The following TAF1A variants were observed in gnomAD, a reference collection of about 807,000 sequenced individuals.
TAF1A encodes TATA-box binding protein associated factor, RNA polymerase I subunit A.
TAF1A carries 42 observed loss-of-function variants against 61.6 expected under a neutral mutation model. The observed-to-expected ratio is 0.68, with a 90% confidence interval of 0.53 to 0.88. TAF1A has a LOEUF of 0.88. Among genes scored for constraint, TAF1A ranks in the 40% least tolerant of loss-of-function variants. The probability of loss-of-function intolerance (pLI) is 0.00; values close to 1 mark genes in which losing one functional copy is unlikely to be tolerated. For missense variants in TAF1A, 424 were observed against 518.7 expected, an observed-to-expected ratio of 0.82 and a Z score of 1.77; for synonymous variants, 179 against 177.7, an observed-to-expected ratio of 1.01 and a Z score of -0.06.
intron 2 of TAF1A, among the ~76,000 whole-genome samples, chr1:222,586,908 A>C (rs1023965602): frequency 1.5e-4 from 23 of 152,252 alleles, no homozygotes; most frequent in African/African-American, 5.3e-4. Context: ...TTGCAGACCA[A>C]AAGTATTTTC....
At chr1:222,560,628 A>ATATT (rs1402057485) in intron 10 of TAF1A, among the ~76,000 whole-genome samples, 31 of 152,328 alleles carry the variant, frequency 2.0e-4, no homozygotes, top group Middle Eastern at 6.8e-3. Context: ...ACATTGTATT[A>ATATT]CATTCACTGA....
At chr1:222,567,293 G>T (rs780248260) in intron 7 of TAF1A, among the ~76,000 whole-genome samples, 22 of 149,976 alleles carry the variant, frequency 1.5e-4, no homozygotes, top group Non-Finnish European at 7.4e-5. Flanking sequence ...CAGGGGCTGG[G>T]AGGAGCAGGC....
chr1:222,578,211 A>G (rs1432144468), intron 4 of TAF1A, among the ~76,000 whole-genome samples: 1 of 152,214 alleles, frequency 6.6e-6, no homozygotes. Context: ...AGGAAGAAAA[A>G]TTATACAAAG....
rs1438940751 is a variant in TAF1A at position 222,589,900 on chromosome 1, G to A, written c.-176C>T. 1 of 396,942 alleles carries A rather than the reference G, an allele frequency of 2.5e-6. No homozygotes were observed. The highest frequency in any genetic ancestry group is 3.6e-5 in the East Asian group (1 of 28,050). The allele number at this position is 396,942 out of a possible 1,614,324, so 24.6% of individuals were successfully genotyped here. On this transcript the variant is annotated 5_prime_UTR_variant, in exon 1 of 11. Transcript: ENST00000352967. ...GCTCGTAACTCCTCCTGCTGCAGCA[G>A]GCGTATCGTTGGCCTCGCCTCGACC...
chr1:222,581,242 T>C (rs888801122), intron 3 of TAF1A, among the ~76,000 whole-genome samples: 3 of 152,252 alleles, frequency 2.0e-5, no homozygotes, highest in African/African-American at 7.2e-5. Flanking sequence ...AATTCCTTCA[T>C]TTTACAAAAC....
chr1:222,561,169 A>C (rs531445153), intron 10 of TAF1A, among the ~76,000 whole-genome samples, 195 bp downstream of exon 10: 2 of 152,290 alleles, frequency 1.3e-5, no homozygotes, highest in East Asian at 1.9e-4. Flanking sequence ...AACCGTTCAC[A>C]ATCAATATGA....
At chr1:222,569,301 T>C (rs1281493603) in intron 7 of TAF1A, 1 of 1,484,792 alleles carries the variant, frequency 6.7e-7, no homozygotes. Flanking sequence ...TCTGATCCTC[T>C]CTCCTCAGTC....
chr1:222,584,215 G>T lies in TAF1A; in HGVS notation c.204C>A (p.His68Gln), dbSNP rs1398302993. 1.2e-6 allele frequency: 2 copies of T among 1,612,694 alleles called. No homozygotes were observed. The highest frequency in any genetic ancestry group is 1.7e-6 in the Non-Finnish European group (2 of 1,179,574). The change falls in exon 3 of 11, where the codon CAC (histidine) becomes CAA (glutamine). Residue 68 changes from histidine (H) to glutamine (Q), a missense_variant. Coordinates refer to ENST00000352967, the MANE Select transcript of TAF1A (RefSeq NM_005681.4). The stretch of plus-strand genomic sequence containing the variant: ...TGTATTCTGCAGCTTGCTGCCATTG[G>T]TGCTTCAGCAGAGCTTCTTGGATAA... ...LSFIQEALLK[H>Q]QWQQAAEYMY...
intron 7 of TAF1A, 46 bp downstream of exon 7, chr1:222,569,446 GGCCTAAGAATGTTTTAAT>G (rs761692829): frequency 4.3e-5 from 69 of 1,612,542 alleles, no homozygotes; most frequent in Non-Finnish European, 5.6e-5. Flanking sequence ...AGAAAGCAAT[GGCCTAAGAATGTTTTAAT>G]GTAGATTCCC....
At chr1:222,564,627 T>C (rs544059042) in intron 7 of TAF1A, among the ~76,000 whole-genome samples, 1 of 152,220 alleles carries the variant, frequency 6.6e-6, no homozygotes, top group South Asian at 2.1e-4. Context: ...TATGAGTAAA[T>C]ATTTTAACAA....
chr1:222,584,683 C>T (rs1660941986), intron 2 of TAF1A, among the ~76,000 whole-genome samples: 1 of 152,164 alleles, frequency 6.6e-6, no homozygotes, highest in African/African-American at 2.4e-5. Flanking sequence ...TTATTACCTA[C>T]CCATGTTCTG....
chr1:222,580,063 C>T (rs1490487898), intron 3 of TAF1A, among the ~76,000 whole-genome samples, 191 bp from the exon 4 acceptor site: 1 of 152,090 alleles, frequency 6.6e-6, no homozygotes, highest in Non-Finnish European at 1.5e-5. Context: ...ATAGTTTTAA[C>T]CTTTCAAATT....
intron 2 of TAF1A, among the ~76,000 whole-genome samples, chr1:222,584,645 TC>T (rs953704795): frequency 4.6e-5 from 7 of 152,152 alleles, no homozygotes; most frequent in African/African-American, 1.7e-4. Flanking sequence ...GGGTAAAATG[TC>T]AGGGTCATTC....
chr1:222,559,845 G>A (rs1352598429), intron 10 of TAF1A, among the ~76,000 whole-genome samples: 2 of 151,856 alleles, frequency 1.3e-5, no homozygotes, highest in African/African-American at 4.8e-5. Flanking sequence ...GGGAAGCAGT[G>A]GTGTCTGTAG....
chr1:222,573,575 A>G (rs1383055107), intron 5 of TAF1A, among the ~76,000 whole-genome samples: 1 of 152,192 alleles, frequency 6.6e-6, no homozygotes, highest in Non-Finnish European at 1.5e-5. Context: ...CACCAGGATG[A>G]CTATAATAGA....
intron 5 of TAF1A, among the ~76,000 whole-genome samples, chr1:222,575,788 T>C (rs1660547423): frequency 6.6e-6 from 1 of 152,226 alleles, no homozygotes; most frequent in Non-Finnish European, 1.5e-5. Context: ...CATCATCATC[T>C]ATTGTTGCTA....
In TAF1A at chr1:222,565,408, C is replaced by T. The variant is rs80334582; in HGVS notation, c.895-1283G>A. On this transcript the variant is annotated intron_variant, in intron 7 of 10. Transcript: ENST00000352967. ...GTATTGAGATCTTAATTCCAAATAC[C>T]CTATTTTTCAAAAGGAAAAACAGAA... Among the ~76,000 whole-genome samples, 713 of 152,128 alleles carry T rather than the reference C, an allele frequency of 4.7e-3. 1 individual carries two copies. The highest frequency in any genetic ancestry group is 0.017 in the African/African-American group (688 of 41,490).
At chr1:222,573,069 G>A (rs1212394529) in intron 5 of TAF1A, among the ~76,000 whole-genome samples, 1 of 152,126 alleles carries the variant, frequency 6.6e-6, no homozygotes, top group Non-Finnish European at 1.5e-5. Flanking sequence ...AGGAGTTCGA[G>A]ACCAGCCTGG....
At chr1:222,561,001 T>C (rs1659891933) in intron 10 of TAF1A, among the ~76,000 whole-genome samples, 1 of 152,226 alleles carries the variant, frequency 6.6e-6, no homozygotes, top group African/African-American at 2.4e-5. Context: ...TAGTATAATA[T>C]GAAGCTATTA....
Sources: allele counts gnomAD v4.1 joint callset (sites outside exome capture counted in the v4.1 genomes callset), GRCh38; gene constraint gnomAD v4.1.1; transcripts MANE v1.5; gene names NCBI Gene and HGNC (gene_info 2026-07-23, HGNC 2026-07-21).